Variants in IST1 observed in about 807,000 individuals in gnomAD.
The protein encoded by IST1 is IST1 homolog.
A neutral mutation model predicts 37.0 loss-of-function variants in IST1; 23 were observed. The observed-to-expected ratio is 0.62, with a 90% CI of 0.45 to 0.88. The LOEUF (loss-of-function observed/expected upper bound fraction) is 0.88, where lower values mean the gene tolerates loss of function less well. Ranked by LOEUF, IST1 falls within the 40% of genes least tolerant of loss-of-function variation. The pLI is 0.00. For synonymous variants in IST1, 180 were observed against 161.7 expected (o/e 1.11, Z -0.86); for missense variants, 488 against 445.4 (o/e 1.10, Z -0.86).
chr16:71,895,032 G>A (rs908474797), upstream of IST1: 4 of 505,446 alleles, frequency 7.9e-6, no homozygotes, highest in Admixed American at 1.4e-4. Flanking sequence ...GCCCGTAGAG[G>A]GACACGGAGG....
chr16:71,900,186 A>G (rs1597230789), intron 1 of IST1, among the ~76,000 whole-genome samples: 1 of 150,240 alleles, frequency 6.7e-6, no homozygotes, highest in African/African-American at 2.4e-5. Flanking sequence ...AAAAAAGATC[A>G]GAATAAATAA....
At chr16:71,896,519 C>A (rs145487130) in intron 1 of IST1, among the ~76,000 whole-genome samples, 1 of 152,166 alleles carries the variant, frequency 6.6e-6, no homozygotes, top group Admixed American at 6.5e-5. Context: ...TATACCCTTC[C>A]TATGTCTGTA....
chr16:71,913,080 C>G (rs1414389009), intron 1 of IST1, among the ~76,000 whole-genome samples: 2 of 152,306 alleles, frequency 1.3e-5, no homozygotes, highest in African/African-American at 4.8e-5. Context: ...GCAAATAGCT[C>G]TTTAAAGTTC....
upstream of IST1, chr16:71,894,965 GATGCTGGTCCAAAGGGC>G (rs1674730408): frequency 1.2e-6 from 1 of 827,860 alleles, no homozygotes; most frequent in Admixed American, 2.2e-5. Context: ...AGACCGGAGC[GATGCTGGTCCAAAGGGC>G]AACCGGACGG....
Position 71,929,374 on chromosome 16 carries a change from C to G in IST1, c.*1561C>G, listed in dbSNP as rs760152973. The G allele has an allele frequency of 7.7e-6, 5 of 650,244 alleles. No homozygotes were observed. The highest frequency in any genetic ancestry group is 1.2e-5 in the Non-Finnish European group (5 of 407,590). The allele number at this position is 650,244 out of a possible 1,614,324, so 40.3% of individuals were successfully genotyped here. Reference sequence around the variant, plus strand: ...CTCGTAGTATTCTTGCATTGTTAATCCTATCTTGACAGTGCCAAGATCCAT... The same window carrying G: ...CTCGTAGTATTCTTGCATTGTTAATGCTATCTTGACAGTGCCAAGATCCAT... On this transcript the variant is annotated 3_prime_UTR_variant, in exon 10 of 10. Transcript: ENST00000378799.
At position 71,915,648 on chromosome 16, in the gene IST1, G is replaced by A. The variant is rs1339044790; in HGVS notation, c.8G>A (p.Gly3Asp). The change falls in exon 2 of 10, where the codon GGC becomes GAC. Residue 3 changes from glycine to aspartate, a missense_variant. By Grantham distance (94) the Gly-to-Asp change is moderately conservative. This residue lies in a region of IST1 where 33 missense variants were observed against 59.3 expected (regional missense o/e 0.56). Coordinates refer to ENST00000378799, the MANE Select transcript of IST1 (RefSeq NM_001270975.2). ML[G>D]SGFKAERLRV... Reference sequence around the variant, plus strand: ...TAGGAGGAACAGCACAGCATGCTGGGCTCTGGATTTAAAGCTGAGCGCTTA... The same window carrying A: ...TAGGAGGAACAGCACAGCATGCTGGACTCTGGATTTAAAGCTGAGCGCTTA... The A allele has an allele frequency of 1.1e-5, 18 of 1,611,774 alleles. No homozygotes were observed. The highest frequency in any genetic ancestry group is 1.5e-5 in the Non-Finnish European group (18 of 1,179,488).
intron 1 of IST1, among the ~76,000 whole-genome samples, chr16:71,904,353 C>T (rs1413059547): frequency 1.3e-5 from 2 of 152,190 alleles, no homozygotes; most frequent in African/African-American, 4.8e-5. Flanking sequence ...GAACTCCTGA[C>T]CTAAGTGATC....
At chr16:71,909,535 G>A (rs1014219528) in intron 1 of IST1, among the ~76,000 whole-genome samples, 4 of 152,188 alleles carry the variant, frequency 2.6e-5, no homozygotes, top group Admixed American at 2.6e-4. Context: ...GAATTGCTGT[G>A]TCTTAAGGTA....
At position 71,930,306 on chromosome 16, in the gene IST1, A is replaced by G. The variant is rs1420728674; in HGVS notation, c.*2493A>G. ...AAGCTTATCCGAAGGAAACTTAGGG[A>G]GAGAGTCAAAAGATAATAAGAAGGA... On this transcript the variant is annotated 3_prime_UTR_variant, in exon 10 of 10. Coordinates refer to ENST00000378799, the MANE Select transcript of IST1 (RefSeq NM_001270975.2). 3.0e-6 allele frequency: 3 copies of G among 1,001,812 alleles called. No individual in the cohort carries two copies. The highest frequency in any genetic ancestry group is 3.0e-5 in the South Asian group (1 of 33,866). 62.1% of individuals were successfully genotyped at this position (1,001,812 alleles called of 1,614,324 possible). A position where few individuals can be genotyped will look rare whatever the true frequency, so the allele number is the denominator to read the frequency against.
At chr16:71,913,351 C>G (rs1373740048) in intron 1 of IST1, among the ~76,000 whole-genome samples, 1 of 151,870 alleles carries the variant, frequency 6.6e-6, no homozygotes, top group Non-Finnish European at 1.5e-5. Flanking sequence ...TTGCCTTTCT[C>G]TAGATATTAA....
intron 1 of IST1, 60 bp from the exon 2 acceptor site, chr16:71,915,566 G>A: frequency 2.8e-6 from 3 of 1,074,208 alleles, no homozygotes; most frequent in Non-Finnish European, 4.2e-6. Context: ...CCCCTAAGAG[G>A]TGTTAGTTCC....
At chr16:71,922,849 G>T in intron 7 of IST1, 169 bp downstream of exon 7, 2 of 630,930 alleles carry the variant, frequency 3.2e-6, no homozygotes, top group South Asian at 1.9e-5. Context: ...ATTCAGAGAA[G>T]GTCTTCTAGT....
intron 1 of IST1, among the ~76,000 whole-genome samples, chr16:71,904,695 A>ACCATACCTGGCCTCCAACTTT (rs2037182200): frequency 6.6e-6 from 1 of 152,198 alleles, no homozygotes; most frequent in South Asian, 2.1e-4. Context: ...GGCATGAGCC[A>ACCATACCTGGCCTCCAACTTT]CCATACCTGG....
rs192426171 is a variant in IST1, at chr16:71,895,561, C to T, written c.-44C>T. 4 of 985,540 alleles carry T rather than the reference C, an allele frequency of 4.1e-6. No homozygotes were observed. Among genetic ancestry groups the T allele is most frequent in the African/African-American group, 1.7e-5 (1 of 57,250 alleles). 61.0% of individuals were successfully genotyped at this position (985,540 alleles called of 1,614,324 possible). ...GGATGGTGAACCCTGAAGTCGGTGT[C>T]TGCTGCGTTCACGGCAGGATTCGGT... On this transcript the variant is annotated 5_prime_UTR_variant, in exon 1 of 10. Transcript: ENST00000378799.
intron 7 of IST1, 23 bp downstream of exon 7, chr16:71,922,703 G>GTGTGTGGATA (rs751789152): frequency 1.3e-6 from 2 of 1,567,892 alleles, no homozygotes; most frequent in South Asian, 1.1e-5. Flanking sequence ...AAGTGTGGAT[G>GTGTGTGGATA]TAAGCTTTAG....
chr16:71,916,172 TTG>T (rs2037462228), intron 2 of IST1, among the ~76,000 whole-genome samples: 1 of 152,184 alleles, frequency 6.6e-6, no homozygotes, highest in African/African-American at 2.4e-5. Context: ...TTTCTGCCCT[TTG>T]TGACTTTTAG....
rs565630047 is a variant in IST1, at chr16:71,929,709, A to G, written c.*1896A>G. 186 of 1,502,378 alleles carry G rather than the reference A, an allele frequency of 1.2e-4. No individual in the cohort carries two copies. The highest frequency in any genetic ancestry group is 1.6e-4 in the Non-Finnish European group (176 of 1,122,166). The allele number at this position is 1,502,378 out of a possible 1,614,324, so 93.1% of individuals were successfully genotyped here. A position where few individuals can be genotyped will look rare whatever the true frequency, so the allele number is the denominator to read the frequency against. ...TATTGAAGACAAAAAGAGAAAAGTG[A>G]GAAAATTGAAATTACTGCTAATAGT... On this transcript the variant is annotated 3_prime_UTR_variant, in exon 10 of 10. Coordinates refer to ENST00000378799, the MANE Select transcript of IST1 (RefSeq NM_001270975.2).
upstream of IST1, chr16:71,895,116 G>C: frequency 3.0e-6 from 1 of 336,712 alleles, no homozygotes; most frequent in Non-Finnish European, 5.6e-6. Context: ...AAAGTCCAGC[G>C]AAAGGCGGCA....
intron 1 of IST1, among the ~76,000 whole-genome samples, chr16:71,912,225 G>A (rs959695163): frequency 2.0e-5 from 3 of 151,860 alleles, no homozygotes; most frequent in African/African-American, 7.3e-5. Flanking sequence ...AAAAAGGCCT[G>A]TTCTGTCTCC....
Sources: gnomAD v4.1 joint callset for allele counts (sites outside exome capture counted in the v4.1 genomes callset) on GRCh38, gnomAD v4.1.1 for gene constraint, gnomAD v4.1.1 regional missense constraint, MANE v1.5 for transcripts, NCBI Gene and HGNC (gene_info 2026-07-23, HGNC 2026-07-21) for gene names.